The following ZNF740 variants were observed in gnomAD, a reference collection of about 807,000 sequenced individuals.
ZNF740 encodes the protein zinc finger protein 740.
Under a neutral mutation model 24.8 loss-of-function variants are expected in ZNF740, and 14 were observed. That is an observed-to-expected ratio of 0.56 (90% confidence interval 0.37 to 0.88). The LOEUF (loss-of-function observed/expected upper bound fraction) is 0.88, where lower values mean the gene tolerates loss of function less well. Ranked by LOEUF, ZNF740 falls within the 40% of genes least tolerant of loss-of-function variation. ZNF740 has a pLI of 0.00. For synonymous variants in ZNF740, 69 were observed against 84.0 expected (o/e 0.82, Z 0.98); for missense variants, 201 against 247.9 (o/e 0.81, Z 1.27).
chr12:53,186,353 T>G, intron 5 of ZNF740, 38 bp from the exon 6 acceptor site: 2 of 1,518,464 alleles, frequency 1.3e-6, no homozygotes, highest in Non-Finnish European at 1.8e-6. Context: ...CTACTGTACA[T>G]ACCTCCCCAC....
chr12:53,187,060 TC>T (rs1941838003), intron 6 of ZNF740, among the ~76,000 whole-genome samples: 1 of 152,156 alleles, frequency 6.6e-6, no homozygotes, highest in East Asian at 1.9e-4. Flanking sequence ...CATTGCTAGG[TC>T]CCAAGCTTTG....
chr12:53,187,510 C>G lies in ZNF740; in HGVS notation c.502C>G (p.Arg168Gly). Reference sequence around the variant, plus strand: ...CTCCCTTTCTTCTCAGTGTTTTTCTCGGACAGATCGATTACTCAGACACAA... The same window carrying G: ...CTCCCTTTCTTCTCAGTGTTTTTCTGGGACAGATCGATTACTCAGACACAA... ...QCERCHQCFS[R>G]TDRLLRHKRM... The change falls in exon 7 of 7, where the codon CGG becomes GGG. Residue 168 changes from arginine to glycine, a missense_variant. Arg to Gly is a moderately radical substitution (Grantham distance 125, BLOSUM62 -2). Coordinates refer to ENST00000416904, the MANE Select transcript of ZNF740 (RefSeq NM_001004304.4). 1 of 1,613,920 alleles carries G rather than the reference C, an allele frequency of 6.2e-7. No homozygotes were observed. The highest frequency in any genetic ancestry group is 8.5e-7 in the Non-Finnish European group (1 of 1,179,828).
At position 53,181,676 on chromosome 12, in the gene ZNF740, GGTTT is replaced by G; in HGVS notation, c.-307_-304del. 1 of 428,398 alleles carries G rather than the reference GGTTT, an allele frequency of 2.3e-6. No homozygotes were observed. The highest frequency in any genetic ancestry group is 3.8e-6 in the Non-Finnish European group (1 of 266,268). 26.5% of individuals were successfully genotyped at this position (428,398 alleles called of 1,614,324 possible). On this transcript the variant is annotated splice_region_variant and 5_prime_UTR_variant, in exon 2 of 7. Coordinates refer to ENST00000416904, the MANE Select transcript of ZNF740 (RefSeq NM_001004304.4). ...GCCCCCCTCTTCCTTTCTGGTTTCA[GGTTT>G]CTGAAACAGATCGTGAGCTTCATCA...
chr12:53,180,768 G>T lies in ZNF740; in HGVS notation c.-377G>T. On this transcript the variant is annotated 5_prime_UTR_variant, in exon 1 of 7. Transcript: ENST00000416904. Reference sequence around the variant, plus strand: ...TGGGGGCAGCCGCGGCGGTGGGGTTGGCAGGGTGTGCTGGGGCCTGGAGGA... The same window carrying T: ...TGGGGGCAGCCGCGGCGGTGGGGTTTGCAGGGTGTGCTGGGGCCTGGAGGA... 7.9e-7 allele frequency: 1 copy of T among 1,273,152 alleles called. No individual in the cohort carries two copies. The highest frequency in any genetic ancestry group is 1.3e-5 in the South Asian group (1 of 79,244). 78.9% of individuals were successfully genotyped at this position (1,273,152 alleles called of 1,614,324 possible). A position where few individuals can be genotyped will look rare whatever the true frequency, so the allele number is the denominator to read the frequency against.
Position 53,192,006 on chromosome 12 carries a change from G to A in ZNF740, c.*4416G>A, listed in dbSNP as rs776486274. The stretch of plus-strand genomic sequence containing the variant: ...CGCAGCCCAGCACAATGGCCTGCGT[G>A]TGGTCTGCTCCCTCTGTGAACAAGA... On this transcript the variant is annotated 3_prime_UTR_variant, in exon 7 of 7. Transcript: ENST00000416904. The A allele has an allele frequency of 6.2e-7, 1 of 1,612,964 alleles. No individual in the cohort carries two copies. The highest frequency in any genetic ancestry group is 1.1e-5 in the South Asian group (1 of 91,066).
rs3817537 is a variant in ZNF740 at position 53,193,621 on chromosome 12, G to T, written c.*6031G>T. On this transcript the variant is annotated 3_prime_UTR_variant, in exon 7 of 7. Coordinates refer to ENST00000416904, the MANE Select transcript of ZNF740 (RefSeq NM_001004304.4). ...TCGGGATGTCGAGGAGACTCCTGTG[G>T]GGGGGATGGAAAGCAGCGGAGGAAT... 6.6e-5 allele frequency: 79 copies of T among 1,192,960 alleles called. No homozygotes were observed. In the African/African-American group the frequency reaches 1.0e-3, roughly 16 times the overall value. The allele number at this position is 1,192,960 out of a possible 1,614,324, so 73.9% of individuals were successfully genotyped here. A position where few individuals can be genotyped will look rare whatever the true frequency, so the allele number is the denominator to read the frequency against.
In ZNF740 at chr12:53,192,614, G is replaced by T. The variant is rs762561473; in HGVS notation, c.*5024G>T. 1 of 1,596,476 alleles carries T rather than the reference G, an allele frequency of 6.3e-7. No homozygotes were observed. The highest frequency in any genetic ancestry group is 1.1e-5 in the South Asian group (1 of 90,644). On this transcript the variant is annotated 3_prime_UTR_variant, in exon 7 of 7. Transcript: ENST00000416904. ...CCCCTTGCCCAACTACAAGCAGGACGGAGAGTAGGCAGATGGGAGTAGCTC... is the reference window on the plus strand; with the variant it reads ...CCCCTTGCCCAACTACAAGCAGGACTGAGAGTAGGCAGATGGGAGTAGCTC...
At chr12:53,184,151 G>GTGTGTGTGTGCGCGCGCGCA (rs1555175912) in intron 2 of ZNF740, among the ~76,000 whole-genome samples, 1 of 70,872 alleles carries the variant, frequency 1.4e-5, no homozygotes, top group African/African-American at 7.6e-5. Context: ...GTGTGTGTGT[G>GTGTGTGTGTGCGCGCGCGCA]CGCGCGCGCG....
In ZNF740 at chr12:53,193,817, C is replaced by T; in HGVS notation, c.*6227C>T. The T allele has an allele frequency of 6.2e-7, 1 of 1,614,070 alleles. No homozygotes were observed. The stretch of plus-strand genomic sequence containing the variant: ...AGCGTGTGCAACTCCACAATCAGCT[C>T]CTCTGAGAAGCCAAGGGCCCGGAGC... On this transcript the variant is annotated 3_prime_UTR_variant, in exon 7 of 7. Transcript: ENST00000416904.
In ZNF740 at chr12:53,191,581, T is replaced by C. The variant is rs1425261624; in HGVS notation, c.*3991T>C. 1.2e-6 allele frequency: 2 copies of C among 1,613,356 alleles called. No homozygotes were observed. The highest frequency in any genetic ancestry group is 4.5e-5 in the East Asian group (2 of 44,862). On this transcript the variant is annotated 3_prime_UTR_variant, in exon 7 of 7. Coordinates refer to ENST00000416904, the MANE Select transcript of ZNF740 (RefSeq NM_001004304.4). Reference sequence around the variant, plus strand: ...TCAGAGAGTGGGACTGTCTGCCTCTTGAAAGCGAGGATTGATGGTGGTCGT... The same window carrying C: ...TCAGAGAGTGGGACTGTCTGCCTCTCGAAAGCGAGGATTGATGGTGGTCGT...
In ZNF740 at chr12:53,180,852, CA is replaced by C. The variant is rs1391414031; in HGVS notation, c.-308+18del. On this transcript the variant is annotated intron_variant, in intron 1 of 6. Coordinates refer to ENST00000416904, the MANE Select transcript of ZNF740 (RefSeq NM_001004304.4). ...GCGCCTGGCAGGTAGGAGCAAGCCC[CA>C]AAGACCGCAGCGTCGTCCGTACAGA... is the stretch of plus-strand genomic sequence containing the variant. The C allele has an allele frequency of 7.9e-7, 1 of 1,262,870 alleles. No homozygotes were observed. Among genetic ancestry groups the C allele is most frequent in the Non-Finnish European group, 1.0e-6 (1 of 978,430 alleles). 78.2% of individuals were successfully genotyped at this position (1,262,870 alleles called of 1,614,324 possible).
rs1367396586 is a variant in ZNF740, at chr12:53,193,659, T to TGGTTGGTTGTTGGGAGCC, written c.*6070_*6087dup. On this transcript the variant is annotated 3_prime_UTR_variant, in exon 7 of 7. Transcript: ENST00000416904. The stretch of plus-strand genomic sequence containing the variant: ...GCAGCGGAGGAATACGGGCCAGGGT[T>TGGTTGGTTGTTGGGAGCC]GGTTGGTTGTTGGGAGCCAGGTGGT... 6.7e-7 allele frequency: 1 copy of TGGTTGGTTGTTGGGAGCC among 1,500,004 alleles called. No homozygotes were observed. The allele number at this position is 1,500,004 out of a possible 1,614,324, so 92.9% of individuals were successfully genotyped here.
At chr12:53,184,200 T>TGTGA (rs1565690813) in intron 2 of ZNF740, among the ~76,000 whole-genome samples, 4 of 142,360 alleles carry the variant, frequency 2.8e-5, no homozygotes, top group African/African-American at 1.1e-4. Context: ...TGTGTGTGTG[T>TGTGA]GAGTGACGGA....
At position 53,193,555 on chromosome 12, in the gene ZNF740, A is replaced by G. The variant is rs978585612; in HGVS notation, c.*5965A>G. ...AGCCCCAGTCAGGGGGAGGGCCTGGACATACATGGGAAGCTTCAAGGGATG... is the reference window on the plus strand; with the variant it reads ...AGCCCCAGTCAGGGGGAGGGCCTGGGCATACATGGGAAGCTTCAAGGGATG... On this transcript the variant is annotated 3_prime_UTR_variant, in exon 7 of 7. Transcript: ENST00000416904. 2.8e-5 allele frequency: 22 copies of G among 773,470 alleles called. No individual in the cohort carries two copies. The highest frequency in any genetic ancestry group is 7.7e-4 in the Middle Eastern group (2 of 2,604). 47.9% of individuals were successfully genotyped at this position (773,470 alleles called of 1,614,324 possible). A position where few individuals can be genotyped will look rare whatever the true frequency, so the allele number is the denominator to read the frequency against.
Position 53,184,995 on chromosome 12 carries a change from T to C in ZNF740, c.114T>C (p.Asn38=), listed in dbSNP as rs768810403. The change falls in exon 3 of 7, where the codon AAT becomes AAC. Residue 38 remains asparagine, a synonymous_variant. Transcript: ENST00000416904. ...LSQIASKQAE[N]GERAGSPDVL... is the part of the protein sequence containing the mutation. ...AGATTGCCAGCAAGCAGGCCGAGAA[T>C]GGCGAGCGGGCAGGTAGCCCTGATG... 1 of 1,614,010 alleles carries C rather than the reference T, an allele frequency of 6.2e-7. No individual in the cohort carries two copies. The highest frequency in any genetic ancestry group is 8.5e-7 in the Non-Finnish European group (1 of 1,179,902).
Position 53,187,612 on chromosome 12 carries a change from G to A in ZNF740, c.*22G>A, listed in dbSNP as rs1357438951. Reference sequence around the variant, plus strand: ...ATAGGCGCAAGGGGCCCCGGGTGGTGGGAGTGATCAGAAGAACCTGCCGAA... The same window carrying A: ...ATAGGCGCAAGGGGCCCCGGGTGGTAGGAGTGATCAGAAGAACCTGCCGAA... On this transcript the variant is annotated 3_prime_UTR_variant, in exon 7 of 7. Transcript: ENST00000416904. 6.2e-7 allele frequency: 1 copy of A among 1,603,070 alleles called. No individual in the cohort carries two copies. Among genetic ancestry groups the A allele is most frequent in the Non-Finnish European group, 8.5e-7 (1 of 1,170,326 alleles).
At chr12:53,185,723 C>T (rs1042495601) in intron 4 of ZNF740, among the ~76,000 whole-genome samples, 4 of 152,202 alleles carry the variant, frequency 2.6e-5, no homozygotes, top group African/African-American at 9.7e-5. Flanking sequence ...CAGGCAGGCT[C>T]CAGCTCAAGT....
Position 53,191,814 on chromosome 12 carries a change from G to C in ZNF740, c.*4224G>C. ...GGGAGGAATCAGGGCTGGTCTTGTG[G>C]TGGGGGAACAGCTAAAAAGGGGCCT... On this transcript the variant is annotated 3_prime_UTR_variant, in exon 7 of 7. Coordinates refer to ENST00000416904, the MANE Select transcript of ZNF740 (RefSeq NM_001004304.4). 6.2e-7 allele frequency: 1 copy of C among 1,611,018 alleles called. No homozygotes were observed. The highest frequency in any genetic ancestry group is 2.2e-5 in the East Asian group (1 of 44,862).
intron 2 of ZNF740, among the ~76,000 whole-genome samples, chr12:53,182,930 A>G (rs900627186): frequency 6.6e-6 from 1 of 152,328 alleles, no homozygotes; most frequent in African/African-American, 2.4e-5. Flanking sequence ...GAATGAGCAG[A>G]TAGGCTGTTG....
Sources: allele counts gnomAD v4.1 joint callset (sites outside exome capture counted in the v4.1 genomes callset), GRCh38; gene constraint gnomAD v4.1.1; transcripts MANE v1.5; gene names NCBI Gene and HGNC (gene_info 2026-07-23, HGNC 2026-07-21).